The following OSBPL5 variants were observed in gnomAD, a reference collection of about 807,000 sequenced individuals.
OSBPL5 encodes oxysterol-binding protein-related protein 5.
In OSBPL5, 71 loss-of-function variants were observed where a neutral mutation model predicts 111.2. The ratio of observed to expected loss-of-function variants is 0.64; its 90% CI spans 0.53 to 0.78. OSBPL5 has a LOEUF of 0.78. Among genes scored for constraint, OSBPL5 ranks in the 30% least tolerant of loss-of-function variants. The pLI, the probability that OSBPL5 is intolerant of heterozygous loss-of-function variation, is 0.00. For missense variants in OSBPL5, 1,210 were observed against 1,189.3 expected (o/e 1.02, Z -0.26); for synonymous variants, 549 against 513.9 (o/e 1.07, Z -0.93).
chr11:3,093,601 G>C lies in OSBPL5; in HGVS notation c.1872C>G (p.Ser624Arg), dbSNP rs539942067. 1 of 1,612,784 alleles carries C rather than the reference G, an allele frequency of 6.2e-7. No individual in the cohort carries two copies. The highest frequency in any genetic ancestry group is 1.1e-5 in the South Asian group (1 of 91,088). Reference sequence around the variant, plus strand: ...TCAGCCTCTGTCTGCGGACCTCCCCGCTCGGGGTCCAGAAAAGCGCACTGC... The same window carrying C: ...TCAGCCTCTGTCTGCGGACCTCCCCCCTCGGGGTCCAGAAAAGCGCACTGC... ...SGSSALFWTP[S>R]GEVRRQRLRQ... Residue 624 changes from serine (S) to arginine (R), a missense_variant, in exon 17 of 22, where the codon AGC becomes AGG. Transcript: ENST00000263650.
Position 3,104,942 on chromosome 11 carries a change from C to T in OSBPL5, c.1060-565G>A, listed in dbSNP as rs868161299. 3.3e-5 allele frequency among the ~76,000 whole-genome samples: 5 copies of T among 152,192 alleles called. No individual in the cohort carries two copies. The highest frequency in any genetic ancestry group is 4.1e-4 in the South Asian group (2 of 4,828). ...TGAGCCTGCTCCTGCAAAACCGACA[C>T]GGGCATGTGAACTCACCCCTCACTT... On this transcript the variant is annotated intron_variant, in intron 9 of 21. Coordinates refer to ENST00000263650, the MANE Select transcript of OSBPL5 (RefSeq NM_020896.4). This position sits in a 1 kb window ranked among gnomAD's most constrained non-coding sequence, Gnocchi z 5.0.
intron 2 of OSBPL5, among the ~76,000 whole-genome samples, chr11:3,127,365 G>A (rs890073075): frequency 5.3e-5 from 8 of 152,246 alleles, no homozygotes; most frequent in Admixed American, 2.0e-4. Flanking sequence ...GTGGACAGAC[G>A]CCACAGACCA....
intron 1 of OSBPL5, among the ~76,000 whole-genome samples, chr11:3,143,015 CAGAGGAGGCAGGTGCG>C: frequency 2.4e-5 from 2 of 82,860 alleles, no homozygotes; most frequent in South Asian, 4.5e-4. Flanking sequence ...CAGAGGGGGG[CAGAGGAGGCAGGTGCG>C]GGGGGGGGCA....
intron 1 of OSBPL5, among the ~76,000 whole-genome samples, chr11:3,139,888 G>A (rs1011911502): frequency 6.6e-6 from 1 of 152,246 alleles, no homozygotes; most frequent in Non-Finnish European, 1.5e-5. Context: ...GCTGAAGCTG[G>A]TGGTGGGGTG....
At chr11:3,096,564 A>G (rs1458169499) in intron 14 of OSBPL5, among the ~76,000 whole-genome samples, 1 of 150,652 alleles carries the variant, frequency 6.6e-6, no homozygotes, top group African/African-American at 2.4e-5. Context: ...GGTTGCAGTG[A>G]GCTGAGATTG....
intron 1 of OSBPL5, among the ~76,000 whole-genome samples, chr11:3,132,004 TTCAGGCATCCATCCATC>T (rs1845827550): frequency 3.5e-5 from 2 of 56,812 alleles, no homozygotes; most frequent in Admixed American, 1.8e-4. Context: ...CTCCCTCCCT[TTCAGGCATCCATCCATC>T]CATCCATCCA....
At position 3,110,524 on chromosome 11, in the gene OSBPL5, G is replaced by A. The variant is rs1482124627; in HGVS notation, c.692-2579C>T. Among the ~76,000 whole-genome samples the A allele has an allele frequency of 6.6e-6, 1 of 152,208 alleles. No homozygotes were observed. The highest frequency in any genetic ancestry group is 6.5e-5 in the Admixed American group (1 of 15,284). ...TCAGTTTCCTGACCTGTCTAATGTGGATGATAACAGTAGAACCTGTTGTTT... is the reference window on the plus strand; with the variant it reads ...TCAGTTTCCTGACCTGTCTAATGTGAATGATAACAGTAGAACCTGTTGTTT... On this transcript the variant is annotated intron_variant, in intron 7 of 21. Transcript: ENST00000263650. This position sits in a 1 kb window ranked among gnomAD's most constrained non-coding sequence, Gnocchi z 5.3.
At chr11:3,150,306 T>G (rs144955215) in intron 1 of OSBPL5, among the ~76,000 whole-genome samples, 1 of 152,044 alleles carries the variant, frequency 6.6e-6, no homozygotes, top group Non-Finnish European at 1.5e-5. Context: ...GACAGCTTTT[T>G]TTAAAAAAAA....
chr11:3,090,328 C>T (rs1271965729), intron 20 of OSBPL5, among the ~76,000 whole-genome samples: 2 of 152,196 alleles, frequency 1.3e-5, no homozygotes, highest in Admixed American at 6.5e-5. Flanking sequence ...GGCCTGGGCC[C>T]ACTCCCTTTC....
At chr11:3,120,317 AAGGGGG>A (rs1362572690) in intron 6 of OSBPL5, 98 bp downstream of exon 6, 2 of 1,412,874 alleles carry the variant, frequency 1.4e-6, no homozygotes, top group African/African-American at 2.8e-5. Flanking sequence ...TCAAGGCCCC[AAGGGGG>A]CCATTCAGCT....
chr11:3,114,591 A>ACTTTTTTTTTTTTTTTTT lies in OSBPL5; in HGVS notation c.691+4955_691+4956insAAAAAAAAAAAAAAAAAG, dbSNP rs774192603. 8.8e-5 allele frequency among the ~76,000 whole-genome samples: 10 copies of ACTTTTTTTTTTTTTTTTT among 113,900 alleles called. 3 individuals are homozygous for ACTTTTTTTTTTTTTTTTT. Among genetic ancestry groups the ACTTTTTTTTTTTTTTTTT allele is most frequent in the African/African-American group, 1.1e-4 (3 of 28,388 alleles). The allele number at this position is 113,900 out of a possible 152,430, so 74.7% of individuals were successfully genotyped here. A position where few individuals can be genotyped will look rare whatever the true frequency, so the allele number is the denominator to read the frequency against. The stretch of plus-strand genomic sequence containing the variant: ...GACTAAAGAATTGGTTAGAACAATG[A>ACTTTTTTTTTTTTTTTTT]TTTTTTTTTTTTTTTTTTTTTTTTT... On this transcript the variant is annotated intron_variant, in intron 7 of 21. Transcript: ENST00000263650.
intron 1 of OSBPL5, among the ~76,000 whole-genome samples, chr11:3,139,988 CT>C (rs536325003): frequency 9.0e-4 from 137 of 152,366 alleles, no homozygotes; most frequent in African/African-American, 3.1e-3. Flanking sequence ...GGTGCCCCCC[CT>C]GCTCTGAGAA....
chr11:3,125,601 C>T (rs1858583595), intron 3 of OSBPL5, among the ~76,000 whole-genome samples: 1 of 152,156 alleles, frequency 6.6e-6, no homozygotes, highest in Non-Finnish European at 1.5e-5. Context: ...GTCAGGAGAT[C>T]AAGGCCATCC....
intron 1 of OSBPL5, among the ~76,000 whole-genome samples, chr11:3,138,099 C>T (rs1845999358): frequency 6.6e-6 from 1 of 152,222 alleles, no homozygotes; most frequent in Admixed American, 6.5e-5. Flanking sequence ...CAGCCAAGTC[C>T]TGTGCCTGTG....
chr11:3,140,588 C>T lies in OSBPL5; in HGVS notation c.-21-11419G>A, dbSNP rs1238544899. 6.6e-6 allele frequency among the ~76,000 whole-genome samples: 1 copy of T among 152,126 alleles called. No individual in the cohort carries two copies. The highest frequency in any genetic ancestry group is 1.5e-5 in the Non-Finnish European group (1 of 68,018). ...GGGAAGCCAGGACCCCAGGCAGTGC[C>T]CTCTGTCCACCCAAGTACATGCTGC... On this transcript the variant is annotated intron_variant, in intron 1 of 21. Transcript: ENST00000263650. The surrounding 1 kb of genome is among the most constrained non-coding windows in gnomAD (Gnocchi z 4.5).
At chr11:3,114,603 T>TTTC (rs1858143165) in intron 7 of OSBPL5, among the ~76,000 whole-genome samples, 1 of 141,422 alleles carries the variant, frequency 7.1e-6, no homozygotes, top group African/African-American at 2.7e-5. Flanking sequence ...TTTTTTTTTT[T>TTTC]TTTTTTTTTT....
intron 15 of OSBPL5, 142 bp from the exon 16 acceptor site, chr11:3,093,977 C>T (rs1003918384): frequency 2.1e-5 from 21 of 1,012,166 alleles, no homozygotes; most frequent in Non-Finnish European, 2.9e-5. Context: ...GCCAACGAGG[C>T]CTTCGGGACC....
At chr11:3,122,553 G>A (rs535377357) in intron 3 of OSBPL5, 125 bp from the exon 4 acceptor site, 32 of 785,188 alleles carry the variant, frequency 4.1e-5, no homozygotes, top group Admixed American at 1.3e-4. Context: ...CTCGTTTCCC[G>A]CCTGGCACCC....
At position 3,107,287 on chromosome 11, in the gene OSBPL5, C is replaced by T. The variant is rs1285708503; in HGVS notation, c.1035G>A (p.Glu345=). The T allele has an allele frequency of 1.9e-6, 3 of 1,613,488 alleles. No homozygotes were observed. The African/African-American group carries it at 4.0e-5, about 22-fold the overall frequency. Residue 345 remains glutamate, a synonymous_variant, in exon 9 of 22, where the codon GAG becomes GAA. Coordinates refer to ENST00000263650, the MANE Select transcript of OSBPL5 (RefSeq NM_020896.4). This position sits in a 1 kb window ranked among gnomAD's most constrained non-coding sequence, Gnocchi z 6.1. ...CCTCCCCCAGCTCCTCCTGGACCTG[C>T]TCCACATAGGTGGTCCCTCTCCGCA... is the stretch of plus-strand genomic sequence containing the variant. ...APVRRGTTYV[E]QVQEELGELG...
Sources: allele counts gnomAD v4.1 joint callset (sites outside exome capture counted in the v4.1 genomes callset), GRCh38; gene constraint gnomAD v4.1.1; non-coding constraint Gnocchi (gnomAD v3.1); transcripts MANE v1.5; gene names NCBI Gene and HGNC (gene_info 2026-07-23, HGNC 2026-07-21).